MYSM1: variants seen among roughly 807,000 people sequenced by gnomAD.
MYSM1 encodes the protein deubiquitinase MYSM1.
MYSM1 carries 51 observed loss-of-function variants against 116.0 expected under a neutral mutation model. That is an observed-to-expected ratio of 0.44 (90% CI 0.35 to 0.56). The LOEUF (loss-of-function observed/expected upper bound fraction) is 0.56, where lower values mean the gene tolerates loss of function less well. Ranked by LOEUF, MYSM1 falls within the 20% of genes least tolerant of loss-of-function variation. The pLI is 0.00. For missense variants in MYSM1, 900 were observed against 974.9 expected (o/e 0.92, Z 1.02); for synonymous variants, 313 against 315.2 (o/e 0.99, Z 0.07).
In MYSM1 at chr1:58,673,608, A is replaced by C. The variant is rs763504196; in HGVS notation, c.1537T>G (p.Cys513Gly). Residue 513 changes from cysteine to glycine, a missense_variant, in exon 11 of 20, where the codon TGT (cysteine) becomes GGT (glycine). Cys to Gly is a radical substitution (Grantham distance 159). Around this residue, in one of 3 missense-constraint regions of MYSM1, gnomAD observed 622 missense variants for 623.7 expected, o/e 1.00. Coordinates refer to ENST00000472487, the MANE Select transcript of MYSM1 (RefSeq NM_001085487.3). ...RRVRDPWGNW[C>G]DAKDLEGQTF... is the part of the protein sequence containing the mutation. ...TGTCCTTCTAAGTCCTTTGCATCAC[A>C]CCAGTTTCCCCATGGGTCTCGGACC... The C allele has an allele frequency of 1.2e-6, 2 of 1,614,116 alleles. No individual in the cohort carries two copies. Among genetic ancestry groups the C allele is most frequent in the South Asian group, 2.2e-5 (2 of 91,082 alleles).
At chr1:58,678,191 G>A (rs1473367914) in intron 8 of MYSM1, among the ~76,000 whole-genome samples, 3 of 152,142 alleles carry the variant, frequency 2.0e-5, no homozygotes, top group Non-Finnish European at 4.4e-5. Flanking sequence ...GGGTGCTTAG[G>A]CTAGGCCTCA....
chr1:58,673,483 AACAAGT>A (rs1233350037), intron 11 of MYSM1, 84 bp downstream of exon 11: 11 of 1,095,604 alleles, frequency 1.0e-5, no homozygotes, highest in Non-Finnish European at 1.5e-5. Context: ...TAATGTATGA[AACAAGT>A]ACAATACATA....
chr1:58,668,689 T>C lies in MYSM1; in HGVS notation c.1717-7A>G, dbSNP rs900634661. ...CTTTCACCTGAAATGGCTCCTGAAATATAAAAAACAAAACAAAACGGGGGA... is the reference window on the plus strand; with the variant it reads ...CTTTCACCTGAAATGGCTCCTGAAACATAAAAAACAAAACAAAACGGGGGA... On this transcript the variant is annotated splice_polypyrimidine_tract_variant and splice_region_variant and intron_variant, in intron 13 of 19. Coordinates refer to ENST00000472487, the MANE Select transcript of MYSM1 (RefSeq NM_001085487.3). 1 of 1,599,156 alleles carries C rather than the reference T, an allele frequency of 6.3e-7. No homozygotes were observed. Among genetic ancestry groups the C allele is most frequent in the African/African-American group, 1.3e-5 (1 of 74,488 alleles).
rs140297763 is a variant in MYSM1, at chr1:58,670,162, A to G, written c.1662-1124T>C. Among the ~76,000 whole-genome samples the G allele has an allele frequency of 3.5e-3, 526 of 152,318 alleles. 4 individuals are homozygous for G. The highest frequency in any genetic ancestry group is 0.012 in the African/African-American group (507 of 41,588). Reference sequence around the variant, plus strand: ...AAGTGATCAGAACCGTGCCTGACATATACAGTACACATTCAAAGATACTTG... The same window carrying G: ...AAGTGATCAGAACCGTGCCTGACATGTACAGTACACATTCAAAGATACTTG... On this transcript the variant is annotated intron_variant, in intron 12 of 19. Transcript: ENST00000472487.
rs1459137865 is a variant in MYSM1, at chr1:58,689,110, G to A, written c.327C>T (p.His109=). Residue 109 remains histidine, a synonymous_variant, in exon 6 of 20, where the codon CAC becomes CAT. Transcript: ENST00000472487. ...SLQKTAKIMV[H]SPTKPASYSV... is the part of the protein sequence containing the mutation. Reference sequence around the variant, plus strand: ...AGTAACTGGCTGGTTTTGTAGGAGAGTGTACCCTGAGGGGAAAAAAAGGAA... The same window carrying A: ...AGTAACTGGCTGGTTTTGTAGGAGAATGTACCCTGAGGGGAAAAAAAGGAA... 2.5e-6 allele frequency: 4 copies of A among 1,599,194 alleles called. No individual in the cohort carries two copies. The highest frequency in any genetic ancestry group is 2.5e-6 in the Non-Finnish European group (3 of 1,176,796).
At chr1:58,698,102 A>ATATATATATATATATATATATATATATAT in intron 1 of MYSM1, among the ~76,000 whole-genome samples, 1 of 7,776 alleles carries the variant, frequency 1.3e-4, no homozygotes, top group African/African-American at 2.6e-4. Context: ...ATATATATAT[A>ATATATATATATATATATATATATATATAT]TTTTTTTTTT....
chr1:58,662,033 C>G (rs17118041), intron 17 of MYSM1, among the ~76,000 whole-genome samples: 54,045 of 151,442 alleles, frequency 0.36, 9,850 homozygotes, highest in Non-Finnish European at 0.4. Context: ...TTTAGGCTAG[C>G]AAAGTGGCAG....
chr1:58,691,279 C>CAA (rs1157148256), intron 3 of MYSM1, among the ~76,000 whole-genome samples: 3 of 116,916 alleles, frequency 2.6e-5, no homozygotes, highest in Non-Finnish European at 3.7e-5. Context: ...GACTCCGTCT[C>CAA]AAAAAAAAAA....
intron 6 of MYSM1, 52 bp downstream of exon 6, chr1:58,688,986 A>T: frequency 6.7e-7 from 1 of 1,482,376 alleles, no homozygotes; most frequent in Admixed American, 2.0e-5. Context: ...TAACTTTACC[A>T]ATATTTGCTT....
Position 58,675,619 on chromosome 1 carries a change from T to G in MYSM1, c.1391-39A>C, listed in dbSNP as rs764447322. On this transcript the variant is annotated intron_variant, in intron 9 of 19. Transcript: ENST00000472487. ...GGAAAGATAAAACCATCTATTATTT[T>G]GTGAAACTCATTTGTTAAACAGTAA... 5.3e-6 allele frequency: 8 copies of G among 1,522,050 alleles called. No homozygotes were observed. In the East Asian group the frequency reaches 1.8e-4, roughly 35 times the overall value. 94.3% of individuals were successfully genotyped at this position (1,522,050 alleles called of 1,614,324 possible).
Position 58,685,267 on chromosome 1 carries a change from G to A in MYSM1, c.400-16C>T, listed in dbSNP as rs1353380585. ...CAAATTTAGCCTGTATTATTAAAATGGGAAAAAAAATTGCTTTTGATGAAT... is the reference window on the plus strand; with the variant it reads ...CAAATTTAGCCTGTATTATTAAAATAGGAAAAAAAATTGCTTTTGATGAAT... On this transcript the variant is annotated splice_polypyrimidine_tract_variant and intron_variant, in intron 6 of 19. Transcript: ENST00000472487. The A allele has an allele frequency of 1.3e-6, 2 of 1,539,370 alleles. No homozygotes were observed. The highest frequency in any genetic ancestry group is 1.9e-5 in the Admixed American group (1 of 52,106).
Position 58,687,937 on chromosome 1 carries a change from C to T in MYSM1, c.399+1101G>A, listed in dbSNP as rs1229994255. 4.0e-5 allele frequency among the ~76,000 whole-genome samples: 6 copies of T among 151,820 alleles called. No homozygotes were observed. In the East Asian group the frequency reaches 7.7e-4, roughly 20 times the overall value. ...TTGCTGCTGAGCTGCCCTCCTTCTG[C>T]GTGTGTGTGTGTGTCTTTCTTTAAC... is the stretch of plus-strand genomic sequence containing the variant. On this transcript the variant is annotated intron_variant, in intron 6 of 19. Transcript: ENST00000472487.
chr1:58,694,360 C>T (rs995972795), intron 2 of MYSM1, among the ~76,000 whole-genome samples: 5 of 152,190 alleles, frequency 3.3e-5, no homozygotes, highest in East Asian at 1.9e-4. Context: ...CGGTGGCTCA[C>T]GCCTGTAATC....
intron 16 of MYSM1, 54 bp downstream of exon 16, chr1:58,666,984 G>C: frequency 1.1e-6 from 1 of 935,364 alleles, no homozygotes; most frequent in African/African-American, 1.7e-5. Flanking sequence ...TATTTAAAAG[G>C]GAGCATTGAG....
intron 7 of MYSM1, 136 bp downstream of exon 7, chr1:58,685,017 G>T: frequency 3.6e-6 from 2 of 557,860 alleles, no homozygotes; most frequent in Non-Finnish European, 6.0e-6. Context: ...CTGAGGTTTT[G>T]TATAGTACTA....
intron 11 of MYSM1, among the ~76,000 whole-genome samples, chr1:58,673,351 G>C (rs1203803031): frequency 5.9e-5 from 9 of 152,154 alleles, no homozygotes; most frequent in African/African-American, 2.2e-4. Context: ...AGAATACAGA[G>C]ACAGAGAATC....
At chr1:58,686,764 A>G (rs1644833288) in intron 6 of MYSM1, among the ~76,000 whole-genome samples, 1 of 152,204 alleles carries the variant, frequency 6.6e-6, no homozygotes, top group Non-Finnish European at 1.5e-5. Flanking sequence ...GAGACAGGAC[A>G]GATCTGGATT....
intron 13 of MYSM1, 70 bp downstream of exon 13, chr1:58,668,914 G>C (rs11207284): frequency 0.4 from 494,134 of 1,234,278 alleles, 98,705 homozygotes; most frequent in Non-Finnish European, 0.42. Context: ...TACGGAAAAA[G>C]AGTAAGCATT....
In MYSM1 at chr1:58,675,509, C is replaced by G; in HGVS notation, c.1462G>C (p.Ala488Pro). The change falls in exon 10 of 20, where the codon GCA (alanine) becomes CCA (proline). Residue 488 changes from alanine (A) to proline (P), a missense_variant. Physicochemically the swap from Ala to Pro is conservative, Grantham distance 27 (BLOSUM62 -1). This residue lies in a region of MYSM1 where 622 missense variants were observed against 623.7 expected (regional missense o/e 1.00). Transcript: ENST00000472487. ...TGCAGACGCTGGGCAAGTTGGTATG[C>G]TTCTACTGCATCTTTTCTGTCTCTG... ...RIRDRKDAVE[A>P]YQLAQRLQSM... 6.2e-7 allele frequency: 1 copy of G among 1,612,998 alleles called. No homozygotes were observed.
Sources: allele counts gnomAD v4.1 joint callset (sites outside exome capture counted in the v4.1 genomes callset), GRCh38; gene constraint gnomAD v4.1.1; regional missense constraint gnomAD v4.1.1; transcripts MANE v1.5; gene names NCBI Gene and HGNC (gene_info 2026-07-23, HGNC 2026-07-21).